Variants in CXorf58 observed in about 807,000 individuals in gnomAD.
CXorf58 encodes the protein chromosome X open reading frame 58, also known as uncharacterized protein CXorf58.
Under a neutral mutation model 26.0 loss-of-function variants are expected in CXorf58, and 24 were observed. The ratio of observed to expected loss-of-function variants is 0.92; its 90% CI spans 0.67 to 1.30. The LOEUF is 1.30. Ranked by LOEUF, CXorf58 falls within the 50% of genes most tolerant of loss-of-function variation. The probability of loss-of-function intolerance (pLI) is 0.00; values close to 1 mark genes in which losing one functional copy is unlikely to be tolerated. For missense variants in CXorf58, 236 were observed against 263.9 expected (o/e 0.89, Z 0.73); for synonymous variants, 87 against 86.1 (o/e 1.01, Z -0.06).
intron 5 of CXorf58, among the ~76,000 whole-genome samples, chrX:23,923,812 G>A (rs182303806): frequency 1.1e-3 from 123 of 110,905 alleles, no homozygotes; most frequent in African/African-American, 3.6e-3. Context: ...TTAGCTGGGC[G>A]TAACCCCAAC....
At chrX:23,915,992 C>A (rs1927710169) in intron 4 of CXorf58, among the ~76,000 whole-genome samples, 198 bp downstream of exon 4, 1 of 111,786 alleles carries the variant, frequency 8.9e-6, no homozygotes, top group African/African-American at 3.2e-5. Context: ...GCTCTCATCT[C>A]CCATTCTGTA....
intron 6 of CXorf58, among the ~76,000 whole-genome samples, chrX:23,933,726 T>G (rs1255024167): frequency 9.0e-6 from 1 of 110,669 alleles, no homozygotes; most frequent in African/African-American, 3.3e-5. Flanking sequence ...CCATCTCTAC[T>G]AAAAATACAA....
At chrX:23,917,385 C>CT (rs1315506571) in intron 5 of CXorf58, among the ~76,000 whole-genome samples, 1 of 108,953 alleles carries the variant, frequency 9.2e-6, no homozygotes, top group African/African-American at 3.3e-5. Flanking sequence ...AATATTTATC[C>CT]TTTTTTCACA....
intron 1 of CXorf58, among the ~76,000 whole-genome samples, chrX:23,908,903 TTATTATAGGATTTG>T (rs1233767304): frequency 3.6e-5 from 4 of 111,395 alleles, no homozygotes; most frequent in Non-Finnish European, 5.7e-5. Context: ...AGAGTTAGAT[TTATTATAGGATTTG>T]GGCTTTGGTT....
At chrX:23,938,121 C>G (rs980301404) in intron 7 of CXorf58, among the ~76,000 whole-genome samples, 3 of 110,386 alleles carry the variant, frequency 2.7e-5, no homozygotes, top group Non-Finnish European at 3.8e-5. Context: ...CTCCTGACCT[C>G]AGGTGATCCG....
chrX:23,917,752 C>T (rs1444066293), intron 5 of CXorf58, among the ~76,000 whole-genome samples: 2 of 112,854 alleles, frequency 1.8e-5, no homozygotes, highest in Non-Finnish European at 3.7e-5. Flanking sequence ...TGAATATTCA[C>T]CACAAATTGT....
intron 6 of CXorf58, among the ~76,000 whole-genome samples, chrX:23,930,196 C>CAAAAAAAAAAAAA (rs752970734): frequency 2.7e-5 from 1 of 36,753 alleles, no homozygotes; most frequent in Non-Finnish European, 4.3e-5. Context: ...GACTCTGTCT[C>CAAAAAAAAAAAAA]AAAAAAAAAA....
chrX:23,939,344 G>GAAAA lies in CXorf58; in HGVS notation c.*43_*46dup. 2.0e-6 allele frequency: 2 copies of GAAAA among 987,488 alleles called. No homozygotes were observed. Among genetic ancestry groups the GAAAA allele is most frequent in the Non-Finnish European group, 2.8e-6 (2 of 715,822 alleles). 81.4% of individuals were successfully genotyped at this position (987,488 alleles called of 1,213,427 possible). On this transcript the variant is annotated 3_prime_UTR_variant, in exon 9 of 9. Transcript: ENST00000379211. ...GGAATCTATGTCAGAGTGTCAGCTG[G>GAAAA]AAAAAGAAAAAAGGACTCATTTTCC...
At chrX:23,911,071 C>T (rs1159915065) in intron 2 of CXorf58, among the ~76,000 whole-genome samples, 1 of 110,825 alleles carries the variant, frequency 9.0e-6, no homozygotes, top group Non-Finnish European at 1.9e-5. Context: ...CTGGCCTAGC[C>T]TTTTCTTCTT....
intron 3 of CXorf58, among the ~76,000 whole-genome samples, chrX:23,915,112 C>T (rs953082515): frequency 1.8e-5 from 2 of 112,431 alleles, no homozygotes; most frequent in Non-Finnish European, 3.8e-5. Flanking sequence ...CGAGCCTGGG[C>T]GACGGAGCGA....
At chrX:23,917,749 T>C (rs1175021003) in intron 5 of CXorf58, among the ~76,000 whole-genome samples, 1 of 112,994 alleles carries the variant, frequency 8.9e-6, no homozygotes, top group Non-Finnish European at 1.9e-5. Flanking sequence ...TCATGAATAT[T>C]CACCACAAAT....
intron 5 of CXorf58, among the ~76,000 whole-genome samples, chrX:23,924,031 A>G (rs1240448769): frequency 8.9e-6 from 1 of 111,993 alleles, no homozygotes; most frequent in Non-Finnish European, 1.9e-5. Context: ...GCACCTCTGC[A>G]CTCCAGCCTG....
intron 7 of CXorf58, 130 bp downstream of exon 7, chrX:23,935,555 G>A (rs913564796): frequency 1.0e-5 from 5 of 483,467 alleles, no homozygotes; most frequent in South Asian, 7.1e-5. Flanking sequence ...TGCTCAAAAC[G>A]TATGCAATTT....
At chrX:23,922,418 C>T (rs1460658591) in intron 5 of CXorf58, among the ~76,000 whole-genome samples, 2 of 111,122 alleles carry the variant, frequency 1.8e-5, no homozygotes, top group African/African-American at 6.6e-5. Flanking sequence ...GACTAACTTG[C>T]CTAAGGTCTC....
chrX:23,931,858 G>C (rs113577793), intron 6 of CXorf58, among the ~76,000 whole-genome samples: 1 of 111,608 alleles, frequency 9.0e-6, no homozygotes, highest in Non-Finnish European at 1.9e-5. Context: ...TTTGCTGTCT[G>C]TTATAAATAC....
intron 3 of CXorf58, among the ~76,000 whole-genome samples, chrX:23,912,220 G>A (rs1927602250): frequency 9.0e-6 from 1 of 110,827 alleles, no homozygotes; most frequent in African/African-American, 3.3e-5. Flanking sequence ...CAAAGTGCTG[G>A]GATTACAGGC....
chrX:23,922,372 TCAAAAAAA>T (rs1337330748), intron 5 of CXorf58, among the ~76,000 whole-genome samples: 1 of 110,732 alleles, frequency 9.0e-6, no homozygotes, highest in Non-Finnish European at 1.9e-5. Context: ...AGAGTCTGTC[TCAAAAAAA>T]CAAAAACAAA....
chrX:23,932,903 G>A (rs1928196290), intron 6 of CXorf58, among the ~76,000 whole-genome samples: 1 of 111,620 alleles, frequency 9.0e-6, no homozygotes, highest in Non-Finnish European at 1.9e-5. Context: ...GCTGAGGCAG[G>A]AGAATCGCTT....
chrX:23,914,155 G>A (rs1053499140), intron 3 of CXorf58, among the ~76,000 whole-genome samples: 4 of 110,064 alleles, frequency 3.6e-5, no homozygotes, highest in Admixed American at 1.9e-4. Context: ...GCACGATCTC[G>A]GCTCACTGCA....
Sources: allele counts gnomAD v4.1 joint callset (sites outside exome capture counted in the v4.1 genomes callset), GRCh38; gene constraint gnomAD v4.1.1; transcripts MANE v1.5; gene names NCBI Gene and HGNC (gene_info 2026-07-23, HGNC 2026-07-21).